Variants in ACYP2 observed in about 807,000 individuals in gnomAD.
ACYP2 encodes acylphosphatase 2, also known as acylphosphatase-2.
A neutral mutation model predicts 11.2 loss-of-function variants in ACYP2; 12 were observed. The observed-to-expected ratio is 1.08, with a 90% CI of 0.69 to 1.74. The LOEUF (loss-of-function observed/expected upper bound fraction) is 1.74. Among genes scored for constraint, ACYP2 ranks in the 40% most tolerant of loss-of-function variants. The pLI is 0.00. For missense variants in ACYP2, 134 were observed against 101.9 expected (o/e 1.31, Z -1.35); for synonymous variants, 43 against 32.2 (o/e 1.33, Z -1.13).
intron 4 of ACYP2, among the ~76,000 whole-genome samples, chr2:54,130,265 C>G (rs756263975): frequency 2.0e-5 from 3 of 151,900 alleles, no homozygotes; most frequent in Non-Finnish European, 4.4e-5. Flanking sequence ...ATGAGAATAT[C>G]AGGGGGAAGA....
At chr2:54,201,594 C>CTCTTTCTTTCTTTCTT (rs1553391220) in intron 6 of ACYP2, among the ~76,000 whole-genome samples, 1 of 95,742 alleles carries the variant, frequency 1.0e-5, no homozygotes, top group African/African-American at 4.0e-5. Flanking sequence ...TTCTTTCTTT[C>CTCTTTCTTTCTTTCTT]TCTTTCTTTC....
chr2:54,096,414 C>G (rs1678584359), intron 4 of ACYP2, among the ~76,000 whole-genome samples: 3 of 151,968 alleles, frequency 2.0e-5, no homozygotes, highest in African/African-American at 4.8e-5. Flanking sequence ...AGATGCTCCT[C>G]ACTTCCCAGA....
At chr2:54,010,737 C>CTTTTTTTTTTTTTTTTTTTTTTTTT (rs539896151) in intron 2 of ACYP2, among the ~76,000 whole-genome samples, 1 of 107,664 alleles carries the variant, frequency 9.3e-6, no homozygotes, top group African/African-American at 3.7e-5. Flanking sequence ...TTCTTTCTTT[C>CTTTTTTTTTTTTTTTTTTTTTTTTT]TTTTTTTTTT....
intron 4 of ACYP2, among the ~76,000 whole-genome samples, chr2:54,132,093 C>A (rs1430057624): frequency 6.6e-6 from 1 of 152,336 alleles, no homozygotes; most frequent in South Asian, 2.1e-4. Context: ...ATACACAATA[C>A]AACCTAGACC....
Position 54,233,878 on chromosome 2 carries a change from C to T in ACYP2, c.405-70810C>T, listed in dbSNP as rs193151993. On this transcript the variant is annotated intron_variant, in intron 6 of 6. Coordinates refer to ENST00000607452, the MANE Select transcript of ACYP2 (RefSeq NM_001320586.2). ...TATAAACTTTATTTTTCAACATAAG[C>T]TCTGTCAAGTTTAAGACACTTTTAT... Among the ~76,000 whole-genome samples, 162 of 152,218 alleles carry T rather than the reference C, an allele frequency of 1.1e-3. 1 individual carries two copies. The highest frequency in any genetic ancestry group is 3.7e-3 in the African/African-American group (153 of 41,538).
chr2:54,006,896 G>A (rs138603033), intron 2 of ACYP2, among the ~76,000 whole-genome samples: 122 of 152,004 alleles, frequency 8.0e-4, no homozygotes, highest in African/African-American at 2.6e-3. Flanking sequence ...AGACCGAGGC[G>A]GATGGATCAC....
At chr2:54,046,531 C>T (rs1363072324) in intron 2 of ACYP2, among the ~76,000 whole-genome samples, 5 of 150,566 alleles carry the variant, frequency 3.3e-5, no homozygotes, top group Non-Finnish European at 7.4e-5. Flanking sequence ...TGTTGTTTGT[C>T]TCCAGGCTGA....
rs117624820 is a variant in ACYP2 at position 54,102,163 on chromosome 2, G to A, written c.278-33290G>A. Among the ~76,000 whole-genome samples, 7 of 152,292 alleles carry A rather than the reference G, an allele frequency of 4.6e-5. No homozygotes were observed. The East Asian group carries it at 1.4e-3, about 29-fold the overall frequency. ...CTTTACAAAATGTTTGTATCCAAACGCCAGCAGTGCGTGAGAGTCTGTTTC... is the reference window on the plus strand; with the variant it reads ...CTTTACAAAATGTTTGTATCCAAACACCAGCAGTGCGTGAGAGTCTGTTTC... On this transcript the variant is annotated intron_variant, in intron 4 of 6. Coordinates refer to ENST00000607452, the MANE Select transcript of ACYP2 (RefSeq NM_001320586.2).
chr2:54,218,078 G>A (rs1267523503), intron 6 of ACYP2, among the ~76,000 whole-genome samples: 2 of 152,056 alleles, frequency 1.3e-5, no homozygotes, highest in African/African-American at 4.8e-5. Context: ...CCCACAACCT[G>A]TATCTCACCC....
chr2:54,068,249 T>C (rs188766280), intron 4 of ACYP2, among the ~76,000 whole-genome samples: 38 of 152,328 alleles, frequency 2.5e-4, no homozygotes, highest in Admixed American at 2.2e-3. Context: ...TATCCATTTG[T>C]TGTACGCACT....
chr2:54,201,620 C>CTCTTTCTTTCTT, intron 6 of ACYP2, among the ~76,000 whole-genome samples: 1 of 87,108 alleles, frequency 1.1e-5, no homozygotes, highest in East Asian at 3.6e-4. Context: ...TTCTTTCTTT[C>CTCTTTCTTTCTT]TTTGTTTCTT....
At chr2:54,116,502 GTT>G (rs57486234) in intron 4 of ACYP2, among the ~76,000 whole-genome samples, 12 of 129,234 alleles carry the variant, frequency 9.3e-5, no homozygotes, top group Non-Finnish European at 1.5e-4. Flanking sequence ...TTGCTTGAGG[GTT>G]TTTTTTTTTT....
At chr2:54,216,448 G>A (rs1685562312) in intron 6 of ACYP2, among the ~76,000 whole-genome samples, 1 of 151,798 alleles carries the variant, frequency 6.6e-6, no homozygotes, top group African/African-American at 2.4e-5. Flanking sequence ...ATTAATTTGG[G>A]GAGAGTGACA....
chr2:54,055,698 T>C (rs956789796), intron 3 of ACYP2, among the ~76,000 whole-genome samples: 1 of 152,212 alleles, frequency 6.6e-6, no homozygotes. Flanking sequence ...TACTACATAA[T>C]AGCCAAAGAC....
intron 4 of ACYP2, among the ~76,000 whole-genome samples, chr2:54,098,725 CCTT>C (rs1480858751): frequency 1.8e-5 from 2 of 113,934 alleles, no homozygotes; most frequent in Admixed American, 8.9e-5. Context: ...AGACAATGTC[CCTT>C]TTTTTTTTTT....
At chr2:53,982,585 C>G (rs1671820739) in intron 2 of ACYP2, among the ~76,000 whole-genome samples, 1 of 152,122 alleles carries the variant, frequency 6.6e-6, no homozygotes, top group African/African-American at 2.4e-5. Context: ...AACTCCCTTC[C>G]ACCCACTGCC....
rs575664311 is a variant in ACYP2 at position 54,096,457 on chromosome 2, G to C, written c.278-38996G>C. The stretch of plus-strand genomic sequence containing the variant: ...GCGGCCTGGCAGAGGCTGTACTCTC[G>C]GCACTTTGGGAGGCCAAGGCAGGCG... On this transcript the variant is annotated intron_variant, in intron 4 of 6. Transcript: ENST00000607452. Among the ~76,000 whole-genome samples the C allele has an allele frequency of 3.9e-5, 6 of 152,182 alleles. No individual in the cohort carries two copies. In the East Asian group the frequency reaches 9.7e-4, roughly 25 times the overall value.
At chr2:54,214,345 G>C (rs1025880087) in intron 6 of ACYP2, among the ~76,000 whole-genome samples, 5 of 152,090 alleles carry the variant, frequency 3.3e-5, no homozygotes, top group African/African-American at 1.2e-4. Context: ...CATTTCCCAG[G>C]TTTTCTTCTA....
At chr2:54,118,929 A>G (rs1328569903) in intron 4 of ACYP2, among the ~76,000 whole-genome samples, 2 of 152,018 alleles carry the variant, frequency 1.3e-5, no homozygotes, top group Non-Finnish European at 2.9e-5. Flanking sequence ...GTCTCATTTA[A>G]TCCTCATCCC....
Sources: allele counts gnomAD v4.1 joint callset (sites outside exome capture counted in the v4.1 genomes callset), GRCh38; gene constraint gnomAD v4.1.1; transcripts MANE v1.5; gene names NCBI Gene and HGNC (gene_info 2026-07-23, HGNC 2026-07-21).